Variants in B3GNT4 observed in about 807,000 individuals in gnomAD.
B3GNT4 encodes the protein N-acetyllactosaminide beta-1,3-N-acetylglucosaminyltransferase 4.
In B3GNT4, 2 loss-of-function variants were observed where a neutral mutation model predicts 2.7. That is an observed-to-expected ratio of 0.73 (90% CI 0.30 to 2.31). The LOEUF is 2.31. Among genes scored for constraint, B3GNT4 ranks in the 30% most tolerant of loss-of-function variants. The pLI, the probability that B3GNT4 is intolerant of heterozygous loss-of-function variation, is 0.12. For synonymous variants in B3GNT4, 280 were observed against 203.4 expected, an observed-to-expected ratio of 1.38 and a Z score of -3.20; for missense variants, 708 against 490.9, an observed-to-expected ratio of 1.44 and a Z score of -4.18.
At position 122,204,613 on chromosome 12, in the gene B3GNT4, C is replaced by T. The variant is rs1300208070; in HGVS notation, c.-6C>T. 1.2e-6 allele frequency: 2 copies of T among 1,608,180 alleles called. No homozygotes were observed. Among genetic ancestry groups the T allele is most frequent in the East Asian group, 2.2e-5 (1 of 44,764 alleles). ...TGAGCACGGAGACAGTCTCCAGCTG[C>T]CGTTCATGCTTCCTCCCCAGCCTTC... On this transcript the variant is annotated 5_prime_UTR_variant, in exon 2 of 3. Coordinates refer to ENST00000324189, the MANE Select transcript of B3GNT4 (RefSeq NM_030765.4).
In B3GNT4 at chr12:122,206,338, G is replaced by C; in HGVS notation, c.87G>C (p.Arg29Ser). The change falls in exon 3 of 3, where the codon AGG becomes AGC. Residue 29 changes from arginine (R) to serine (S), a missense_variant. Physicochemically the swap from Arg to Ser is moderately radical, Grantham distance 110. Coordinates refer to ENST00000324189, the MANE Select transcript of B3GNT4 (RefSeq NM_030765.4). Reference protein sequence around the residue: ...LLPKGPAMLCRLCWLVSYSLA... With the variant: ...LLPKGPAMLCSLCWLVSYSLA... ...TGCAGGGACCGGCGATGCTCTGCAG[G>C]CTGTGCTGGCTGGTCTCGTACAGCT... 6.3e-7 allele frequency: 1 copy of C among 1,584,230 alleles called. No individual in the cohort carries two copies. The highest frequency in any genetic ancestry group is 8.6e-7 in the Non-Finnish European group (1 of 1,165,180).
rs562662403 is a variant in B3GNT4 at position 122,205,097 on chromosome 12, C to T, written c.66+413C>T. On this transcript the variant is annotated intron_variant, in intron 2 of 2. Coordinates refer to ENST00000324189, the MANE Select transcript of B3GNT4 (RefSeq NM_030765.4). ...CTCTTCCTACTGTAAACCTGCTGGGCCCCCGTCTCCCTTCTTTCTCCCCTC... is the reference window on the plus strand; with the variant it reads ...CTCTTCCTACTGTAAACCTGCTGGGTCCCCGTCTCCCTTCTTTCTCCCCTC... 188 of 176,168 alleles carry T rather than the reference C, an allele frequency of 1.1e-3. 1 individual carries two copies. The highest frequency in any genetic ancestry group is 4.3e-3 in the African/African-American group (179 of 41,932). The allele number at this position is 176,168 out of a possible 1,614,324, so 10.9% of individuals were successfully genotyped here.
rs1953940033 is a variant in B3GNT4 at position 122,207,221 on chromosome 12, G to C, written c.970G>C (p.Gly324Arg). 2 of 1,614,110 alleles carry C rather than the reference G, an allele frequency of 1.2e-6. No individual in the cohort carries two copies. The highest frequency in any genetic ancestry group is 2.2e-5 in the East Asian group (1 of 44,880). ...GGGGCTGAGCCCTATGCACCATGCT[G>C]GCTTCAAGACATTTGGAATCCGGCG... ...RLGLSPMHHA[G>R]FKTFGIRRPL... The change falls in exon 3 of 3, where the codon GGC becomes CGC. Residue 324 changes from glycine (G) to arginine (R), a missense_variant. Transcript: ENST00000324189.
chr12:122,207,101 T>G lies in B3GNT4; in HGVS notation c.850T>G (p.Ser284Ala). 1 of 1,614,132 alleles carries G rather than the reference T, an allele frequency of 6.2e-7. No homozygotes were observed. Among genetic ancestry groups the G allele is most frequent in the Non-Finnish European group, 8.5e-7 (1 of 1,180,018 alleles). ...PYAGGGGYVM[S>A]RATVRRLQAI... is the part of the protein sequence containing the mutation. ...TGCTGGTGGGGGAGGATATGTCATGTCCAGAGCCACAGTGCGGCGCCTCCA... is the reference window on the plus strand; with the variant it reads ...TGCTGGTGGGGGAGGATATGTCATGGCCAGAGCCACAGTGCGGCGCCTCCA... The change falls in exon 3 of 3, where the codon TCC (serine) becomes GCC (alanine). Residue 284 changes from serine to alanine, a missense_variant. Physicochemically the swap from Ser to Ala is moderately conservative, Grantham distance 99 (BLOSUM62 1). Transcript: ENST00000324189.
At position 122,207,499 on chromosome 12, in the gene B3GNT4, T is replaced by A; in HGVS notation, c.*111T>A. ...AATGCCAACTTGGTTTTTTAACTCC[T>A]CTCACCCTGTTAGCTCTGATTAAAA... is the stretch of plus-strand genomic sequence containing the variant. On this transcript the variant is annotated 3_prime_UTR_variant, in exon 3 of 3. Coordinates refer to ENST00000324189, the MANE Select transcript of B3GNT4 (RefSeq NM_030765.4). The A allele has an allele frequency of 1.0e-6, 1 of 990,300 alleles. No individual in the cohort carries two copies. The highest frequency in any genetic ancestry group is 1.4e-6 in the Non-Finnish European group (1 of 692,684). The allele number at this position is 990,300 out of a possible 1,614,324, so 61.3% of individuals were successfully genotyped here. A position where few individuals can be genotyped will look rare whatever the true frequency, so the allele number is the denominator to read the frequency against.
rs1022351783 is a variant in B3GNT4 at position 122,207,447 on chromosome 12, G to T, written c.*59G>T. 44 of 1,410,270 alleles carry T rather than the reference G, an allele frequency of 3.1e-5. No homozygotes were observed. The highest frequency in any genetic ancestry group is 4.1e-5 in the Non-Finnish European group (44 of 1,061,128). The allele number at this position is 1,410,270 out of a possible 1,614,324, so 87.4% of individuals were successfully genotyped here. A position where few individuals can be genotyped will look rare whatever the true frequency, so the allele number is the denominator to read the frequency against. Reference sequence around the variant, plus strand: ...CAGTGTTGATTCTCTATCGTGATGCGAAATTGATGCCTGCTGCTCTACAGA... The same window carrying T: ...CAGTGTTGATTCTCTATCGTGATGCTAAATTGATGCCTGCTGCTCTACAGA... On this transcript the variant is annotated 3_prime_UTR_variant, in exon 3 of 3. Transcript: ENST00000324189.
chr12:122,205,208 T>C (rs566934949), intron 2 of B3GNT4: 1 of 154,390 alleles, frequency 6.5e-6, no homozygotes, highest in Admixed American at 6.4e-5. Context: ...CACTCAGTTC[T>C]TGCTCAAACG....
chr12:122,206,856 G>T lies in B3GNT4; in HGVS notation c.605G>T (p.Arg202Leu). 1 of 1,613,788 alleles carries T rather than the reference G, an allele frequency of 6.2e-7. No individual in the cohort carries two copies. Among genetic ancestry groups the T allele is most frequent in the Non-Finnish European group, 8.5e-7 (1 of 1,179,986 alleles). ...NLTLKELHLQ[R>L]WVVAACPQAH... Reference sequence around the variant, plus strand: ...ACGCTCAAGGAGCTGCACCTGCAGCGCTGGGTGGTGGCTGCCTGCCCCCAG... The same window carrying T: ...ACGCTCAAGGAGCTGCACCTGCAGCTCTGGGTGGTGGCTGCCTGCCCCCAG... Residue 202 changes from arginine to leucine, a missense_variant, in exon 3 of 3, where the codon CGC becomes CTC. By Grantham distance (102) the Arg-to-Leu change is moderately radical. Coordinates refer to ENST00000324189, the MANE Select transcript of B3GNT4 (RefSeq NM_030765.4).
In B3GNT4 at chr12:122,206,334, G is replaced by C; in HGVS notation, c.83G>C (p.Cys28Ser). 6.3e-7 allele frequency: 1 copy of C among 1,580,532 alleles called. No homozygotes were observed. Among genetic ancestry groups the C allele is most frequent in the South Asian group, 1.2e-5 (1 of 86,234 alleles). ...GLLPKGPAML[C>S]RLCWLVSYSL... ...TCCTTGCAGGGACCGGCGATGCTCT[G>C]CAGGCTGTGCTGGCTGGTCTCGTAC... The change falls in exon 3 of 3, where the codon TGC becomes TCC. Residue 28 changes from cysteine to serine, a missense_variant. Physicochemically the swap from Cys to Ser is moderately radical, Grantham distance 112 (BLOSUM62 -1). Transcript: ENST00000324189.
intron 1 of B3GNT4, 150 bp from the exon 2 acceptor site, chr12:122,204,372 G>A: frequency 2.6e-6 from 1 of 377,604 alleles, no homozygotes; most frequent in East Asian, 5.8e-5. Context: ...AGGCCGTGCG[G>A]CCAGCGCCTG....
chr12:122,208,804 A>G lies in B3GNT4; in HGVS notation c.*1416A>G. 1.6e-6 allele frequency: 1 copy of G among 644,044 alleles called. No individual in the cohort carries two copies. The highest frequency in any genetic ancestry group is 2.9e-6 in the Non-Finnish European group (1 of 347,778). 39.9% of individuals were successfully genotyped at this position (644,044 alleles called of 1,614,324 possible). A position where few individuals can be genotyped will look rare whatever the true frequency, so the allele number is the denominator to read the frequency against. Reference sequence around the variant, plus strand: ...CATTTTTCTTCAGCTGTCAGCGGCCAACATCACAATTATTAAATGCAACTC... The same window carrying G: ...CATTTTTCTTCAGCTGTCAGCGGCCGACATCACAATTATTAAATGCAACTC... On this transcript the variant is annotated 3_prime_UTR_variant, in exon 3 of 3. Transcript: ENST00000324189.
In B3GNT4 at chr12:122,206,632, G is replaced by C; in HGVS notation, c.381G>C (p.Gln127His). The C allele has an allele frequency of 6.2e-7, 1 of 1,614,030 alleles. No individual in the cohort carries two copies. The highest frequency in any genetic ancestry group is 1.1e-5 in the South Asian group (1 of 91,092). Residue 127 changes from glutamine to histidine, a missense_variant, in exon 3 of 3, where the codon CAG becomes CAC. Transcript: ENST00000324189. ...DTFLLLAIKSQPGHVERRAAI... is the reference protein window; with the variant it reads ...DTFLLLAIKSHPGHVERRAAI... ...TCTTGCTCCTGGCCATCAAGTCACA[G>C]CCTGGTCACGTGGAGCGACGTGCGG...
chr12:122,204,460 C>T (rs917667440), intron 1 of B3GNT4, 62 bp from the exon 2 acceptor site: 26 of 697,528 alleles, frequency 3.7e-5, no homozygotes, highest in African/African-American at 7.0e-5. Flanking sequence ...GGAACCAAGC[C>T]ACCTGCTGTG....
In B3GNT4 at chr12:122,206,889, T is replaced by A. The variant is rs766286373; in HGVS notation, c.638T>A (p.Phe213Tyr). ...WVVAACPQAH[F>Y]MLKGDDDVFV... ...GTGGCTGCCTGCCCCCAGGCCCATT[T>A]CATGCTAAAGGGAGATGACGATGTC... The change falls in exon 3 of 3, where the codon TTC becomes TAC. Residue 213 changes from phenylalanine to tyrosine, a missense_variant. Phe to Tyr is a conservative substitution (Grantham distance 22, BLOSUM62 3). Transcript: ENST00000324189. 10 of 1,613,874 alleles carry A rather than the reference T, an allele frequency of 6.2e-6. No individual in the cohort carries two copies. The highest frequency in any genetic ancestry group is 1.7e-5 in the Admixed American group (1 of 60,004).
In B3GNT4 at chr12:122,207,159, T is replaced by C. The variant is rs1201985202; in HGVS notation, c.908T>C (p.Ile303Thr). Residue 303 changes from isoleucine (I) to threonine (T), a missense_variant, in exon 3 of 3, where the codon ATT becomes ACT. By Grantham distance (89) the Ile-to-Thr change is moderately conservative. Transcript: ENST00000324189. ...AIMEDAELFPIDDVFVGMCLR... is the reference protein window; with the variant it reads ...AIMEDAELFPTDDVFVGMCLR... ...ATGGAAGATGCTGAACTCTTCCCCA[T>C]TGATGATGTCTTTGTGGGTATGTGC... The C allele has an allele frequency of 5.0e-6, 8 of 1,613,952 alleles. No individual in the cohort carries two copies. The highest frequency in any genetic ancestry group is 2.2e-5 in the South Asian group (2 of 91,036).
chr12:122,204,495 C>T (rs1953888569), intron 1 of B3GNT4, 27 bp from the exon 2 acceptor site: 5 of 834,802 alleles, frequency 6.0e-6, no homozygotes, highest in Middle Eastern at 6.2e-4. Flanking sequence ...AATGGCACCG[C>T]CGCCCGCCCG....
chr12:122,207,171 TTG>T lies in B3GNT4; in HGVS notation c.923_924del (p.Val308GlyfsTer35). ...GAACTCTTCCCCATTGATGATGTCT[TTG>T]TGGGTATGTGCCTGAGGCGGCTGGG... On this transcript the variant is annotated frameshift_variant, in exon 3 of 3. Coordinates refer to ENST00000324189, the MANE Select transcript of B3GNT4 (RefSeq NM_030765.4). LOFTEE classifies it low-confidence loss of function (END_TRUNC). The T allele has an allele frequency of 6.2e-7, 1 of 1,613,996 alleles. No homozygotes were observed. Among genetic ancestry groups the T allele is most frequent in the Non-Finnish European group, 8.5e-7 (1 of 1,179,992 alleles).
chr12:122,208,280 C>T lies in B3GNT4; in HGVS notation c.*892C>T. 1 of 1,418,176 alleles carries T rather than the reference C, an allele frequency of 7.1e-7. No individual in the cohort carries two copies. The highest frequency in any genetic ancestry group is 9.8e-7 in the Non-Finnish European group (1 of 1,018,050). The allele number at this position is 1,418,176 out of a possible 1,614,324, so 87.8% of individuals were successfully genotyped here. ...TGATTGGCCAGGGCAGGATCTGCCG[C>T]CTCTTCTCGGTGCACAGACAGTCAT... On this transcript the variant is annotated 3_prime_UTR_variant, in exon 3 of 3. Coordinates refer to ENST00000324189, the MANE Select transcript of B3GNT4 (RefSeq NM_030765.4).
In B3GNT4 at chr12:122,204,560, ACCC is replaced by A; in HGVS notation, c.-57_-55del. On this transcript the variant is annotated 5_prime_UTR_variant, in exon 2 of 3. Transcript: ENST00000324189. ...CACACCTGAGACTCATCTCGCTTCG[ACCC>A]CGCCGCCGCCGCCGCCCGGCATCCT... 8 of 1,216,306 alleles carry A rather than the reference ACCC, an allele frequency of 6.6e-6. No homozygotes were observed. Among genetic ancestry groups the A allele is most frequent in the Non-Finnish European group, 9.6e-6 (8 of 834,696 alleles). The allele number at this position is 1,216,306 out of a possible 1,614,324, so 75.3% of individuals were successfully genotyped here. A position where few individuals can be genotyped will look rare whatever the true frequency, so the allele number is the denominator to read the frequency against.
Sources: gnomAD v4.1 joint callset for allele counts on GRCh38, gnomAD v4.1.1 for gene constraint, MANE v1.5 for transcripts, NCBI Gene and HGNC (gene_info 2026-07-23, HGNC 2026-07-21) for gene names.